CACNA2D3: variants seen among roughly 807,000 people sequenced by gnomAD.
The protein encoded by CACNA2D3 is calcium voltage-gated channel auxiliary subunit alpha2delta 3.
CACNA2D3 carries 60 observed loss-of-function variants against 160.6 expected under a neutral mutation model. That is an observed-to-expected ratio of 0.37 (90% confidence interval 0.30 to 0.46). The LOEUF (loss-of-function observed/expected upper bound fraction) is 0.46. Ranked by LOEUF, CACNA2D3 falls within the 20% of genes least tolerant of loss-of-function variation. The pLI, the probability that CACNA2D3 is intolerant of heterozygous loss-of-function variation, is 1.00. For synonymous variants in CACNA2D3, 558 were observed against 492.9 expected (o/e 1.13, Z -1.75); for missense variants, 1,205 against 1,365.0 (o/e 0.88, Z 1.85).
chr3:54,586,262 C>CAAAA lies in CACNA2D3; in HGVS notation c.963+4400_963+4403dup, dbSNP rs34992866. Among the ~76,000 whole-genome samples the CAAAA allele has an allele frequency of 1.4e-3, 143 of 101,268 alleles. 4 individuals carry two copies. Among genetic ancestry groups the CAAAA allele is most frequent in the Middle Eastern group, 5.5e-3 (1 of 182 alleles). 66.4% of individuals were successfully genotyped at this position (101,268 alleles called of 152,430 possible). A position where few individuals can be genotyped will look rare whatever the true frequency, so the allele number is the denominator to read the frequency against. The stretch of plus-strand genomic sequence containing the variant: ...CTGGGCAATAGAGCGAGATCCATCT[C>CAAAA]AAAAAAAAAAAAAAAAAAGAAACTC... On this transcript the variant is annotated intron_variant, in intron 9 of 37. Coordinates refer to ENST00000474759, the MANE Select transcript of CACNA2D3 (RefSeq NM_018398.3).
chr3:54,442,973 C>T (rs1700167427), intron 4 of CACNA2D3, among the ~76,000 whole-genome samples: 1 of 152,150 alleles, frequency 6.6e-6, no homozygotes, highest in African/African-American at 2.4e-5. Flanking sequence ...GGAATTTATG[C>T]CCCACATCTC....
chr3:54,496,731 C>A (rs552234524), intron 4 of CACNA2D3, among the ~76,000 whole-genome samples: 18 of 152,188 alleles, frequency 1.2e-4, no homozygotes, highest in African/African-American at 3.9e-4. Context: ...CATAAAGTAT[C>A]CTTTACTTTT....
At chr3:54,821,741 C>T (rs1703608741) in intron 14 of CACNA2D3, among the ~76,000 whole-genome samples, 1 of 148,184 alleles carries the variant, frequency 6.7e-6, no homozygotes, top group African/African-American at 2.5e-5. Context: ...CTCTCTTTCT[C>T]TCTCTCTCTT....
intron 3 of CACNA2D3, among the ~76,000 whole-genome samples, chr3:54,334,214 G>A (rs1048132647): frequency 2.0e-5 from 3 of 151,514 alleles, no homozygotes; most frequent in Non-Finnish European, 1.5e-5. Flanking sequence ...AGCCTCCCAA[G>A]TAGCTGGGAT....
intron 2 of CACNA2D3, among the ~76,000 whole-genome samples, chr3:54,250,808 A>C (rs865778243): frequency 6.6e-6 from 1 of 152,226 alleles, no homozygotes; most frequent in Admixed American, 6.5e-5. Flanking sequence ...TAGGAGAGGA[A>C]GGACAAGAAG....
At chr3:54,616,416 T>C (rs868101161) in intron 9 of CACNA2D3, among the ~76,000 whole-genome samples, 1 of 152,090 alleles carries the variant, frequency 6.6e-6, no homozygotes, top group Non-Finnish European at 1.5e-5. Flanking sequence ...CAGAGGGAGG[T>C]ATCCAATAGA....
intron 2 of CACNA2D3, among the ~76,000 whole-genome samples, chr3:54,187,891 G>A (rs571928288): frequency 9.9e-5 from 15 of 152,208 alleles, no homozygotes; most frequent in African/African-American, 2.9e-4. Context: ...CTCTGTGGCC[G>A]GGTTCCTAAC....
intron 13 of CACNA2D3, among the ~76,000 whole-genome samples, chr3:54,767,792 A>G (rs1433393103): frequency 6.6e-6 from 1 of 152,224 alleles, no homozygotes; most frequent in Non-Finnish European, 1.5e-5. Flanking sequence ...ATCAGCATGA[A>G]GAGGCTCTCA....
At chr3:54,832,116 G>A (rs911553775) in intron 14 of CACNA2D3, among the ~76,000 whole-genome samples, 2 of 151,626 alleles carry the variant, frequency 1.3e-5, no homozygotes, top group African/African-American at 4.8e-5. Context: ...CTGTGGCAAG[G>A]GGACACGGCT....
chr3:54,171,806 T>G (rs1247512107), intron 2 of CACNA2D3, among the ~76,000 whole-genome samples: 6 of 152,300 alleles, frequency 3.9e-5, no homozygotes, highest in African/African-American at 1.4e-4. Context: ...AGGCTGAACT[T>G]CTTGGTCCCT....
chr3:54,975,026 C>G (rs1379627532), intron 29 of CACNA2D3, among the ~76,000 whole-genome samples: 1 of 152,176 alleles, frequency 6.6e-6, no homozygotes, highest in Non-Finnish European at 1.5e-5. Flanking sequence ...AGACTGGACT[C>G]TAGCTAATTC....
chr3:54,374,175 T>C (rs1487784915), intron 3 of CACNA2D3, among the ~76,000 whole-genome samples: 1 of 152,168 alleles, frequency 6.6e-6, no homozygotes, highest in African/African-American at 2.4e-5. Flanking sequence ...CTGTCTGAGT[T>C]GACAAATCTA....
intron 3 of CACNA2D3, among the ~76,000 whole-genome samples, chr3:54,371,964 G>A (rs1698932649): frequency 6.6e-6 from 1 of 152,178 alleles, no homozygotes; most frequent in Non-Finnish European, 1.5e-5. Context: ...GTTAATATTT[G>A]ATTATGGGGT....
In CACNA2D3 at chr3:55,029,194, T is replaced by A. The variant is rs375860159; in HGVS notation, c.2987+10877T>A. 5.3e-5 allele frequency among the ~76,000 whole-genome samples: 8 copies of A among 152,158 alleles called. No homozygotes were observed. The East Asian group carries it at 1.5e-3, about 29-fold the overall frequency. ...CCATTGCACAATAGGGACACAGCAT[T>A]TTCCTTGAGTAAAGGCTAAGAAGGT... On this transcript the variant is annotated intron_variant, in intron 35 of 37. Coordinates refer to ENST00000474759, the MANE Select transcript of CACNA2D3 (RefSeq NM_018398.3).
intron 21 of CACNA2D3, among the ~76,000 whole-genome samples, chr3:54,882,744 C>T (rs1343941655): frequency 1.3e-5 from 2 of 152,094 alleles, no homozygotes; most frequent in African/African-American, 4.8e-5. Flanking sequence ...CTCTAGGAGC[C>T]GTGGTGTATT....
intron 2 of CACNA2D3, among the ~76,000 whole-genome samples, chr3:54,314,214 G>A (rs947998196): frequency 6.6e-6 from 1 of 152,122 alleles, no homozygotes; most frequent in African/African-American, 2.4e-5. Flanking sequence ...TTCCCTCCAG[G>A]TTGATGTGAA....
chr3:55,025,658 A>G (rs1407474083), intron 35 of CACNA2D3, among the ~76,000 whole-genome samples: 1 of 139,108 alleles, frequency 7.2e-6, no homozygotes, highest in African/African-American at 2.6e-5. Flanking sequence ...AAAAAAAAAA[A>G]GCATAGTTGA....
At chr3:54,472,816 A>G (rs1428397331) in intron 4 of CACNA2D3, among the ~76,000 whole-genome samples, 9 of 152,246 alleles carry the variant, frequency 5.9e-5, no homozygotes, top group African/African-American at 2.2e-4. Context: ...ACACCTAGGT[A>G]TACGACTTAT....
At chr3:54,567,424 C>G (rs1209971947) in intron 6 of CACNA2D3, among the ~76,000 whole-genome samples, 2 of 152,164 alleles carry the variant, frequency 1.3e-5, no homozygotes, top group Non-Finnish European at 2.9e-5. Flanking sequence ...CTTTCCACAT[C>G]TTTCTGGACT....
Sources: gnomAD v4.1 joint callset for allele counts (sites outside exome capture counted in the v4.1 genomes callset) on GRCh38, gnomAD v4.1.1 for gene constraint, MANE v1.5 for transcripts, NCBI Gene and HGNC (gene_info 2026-07-23, HGNC 2026-07-21) for gene names.